FRMPD4: variants seen among roughly 807,000 people sequenced by gnomAD.
FRMPD4 encodes the protein FERM and PDZ domain containing 4.
In FRMPD4, 22 loss-of-function variants were observed where a neutral mutation model predicts 94.1. The observed-to-expected ratio is 0.23, with a 90% confidence interval of 0.17 to 0.33. FRMPD4 has a LOEUF of 0.33. FRMPD4 is among the 10% of genes least tolerant of loss of function. The pLI is 1.00. For synonymous variants in FRMPD4, 631 were observed against 548.6 expected (o/e 1.15, Z -2.10); for missense variants, 1,111 against 1,339.9 (o/e 0.83, Z 2.67).
In FRMPD4 at chrX:12,268,248, A is replaced by G. The variant is rs759023411; in HGVS notation, c.41+129236A>G. On this transcript the variant is annotated intron_variant, in intron 1 of 16. Coordinates refer to ENST00000675598, the MANE Select transcript of FRMPD4 (RefSeq NM_001368397.1). Reference sequence around the variant, plus strand: ...GTTCATCACACACCCATGGCCAATTATAAGGAAGGCTGAAAAACACAGCCT... The same window carrying G: ...GTTCATCACACACCCATGGCCAATTGTAAGGAAGGCTGAAAAACACAGCCT... 2.7e-5 allele frequency among the ~76,000 whole-genome samples: 3 copies of G among 112,677 alleles called. No homozygotes were observed. In the East Asian group the frequency reaches 8.4e-4, roughly 31 times the overall value.
intron 3 of FRMPD4, among the ~76,000 whole-genome samples, chrX:12,123,478 C>G (rs1216014284): frequency 9.0e-6 from 1 of 111,456 alleles, no homozygotes; most frequent in African/African-American, 3.3e-5. Flanking sequence ...TCCTTGCACT[C>G]TAGCATCTCT....
At chrX:12,186,561 C>T (rs764576778) in intron 1 of FRMPD4, among the ~76,000 whole-genome samples, 77 of 111,391 alleles carry the variant, frequency 6.9e-4, no homozygotes, top group African/African-American at 2.4e-3. Context: ...TATATTTCGA[C>T]ACCTTGCCTA....
chrX:12,499,656 CG>C (rs1340577574), intron 2 of FRMPD4, among the ~76,000 whole-genome samples: 3 of 112,511 alleles, frequency 2.7e-5, no homozygotes, highest in African/African-American at 9.7e-5. Flanking sequence ...TTTCACTTAG[CG>C]TAACGTTTTC....
chrX:12,180,423 G>A (rs1294221162), intron 1 of FRMPD4, among the ~76,000 whole-genome samples: 1 of 111,615 alleles, frequency 9.0e-6, no homozygotes, highest in Non-Finnish European at 1.9e-5. Context: ...AGAGTTAGGG[G>A]TAATTTCCTC....
intron 1 of FRMPD4, among the ~76,000 whole-genome samples, chrX:12,343,065 G>T (rs745831229): frequency 5.6e-4 from 63 of 112,090 alleles, no homozygotes; most frequent in African/African-American, 1.9e-3. Context: ...ACCCATAAAC[G>T]GGAAAGGAAG....
intron 2 of FRMPD4, among the ~76,000 whole-genome samples, chrX:12,513,643 G>A (rs1442894005): frequency 8.9e-6 from 1 of 112,025 alleles, no homozygotes; most frequent in African/African-American, 3.2e-5. Flanking sequence ...TTTGAAGTCT[G>A]GTAGAGTGAT....
intron 4 of FRMPD4, among the ~76,000 whole-genome samples, chrX:12,667,482 G>C (rs1288887743): frequency 8.9e-6 from 1 of 112,039 alleles, no homozygotes; most frequent in Admixed American, 9.5e-5. Context: ...ATGCCAATAT[G>C]ATTATATATT....
chrX:12,168,378 A>AC (rs1460651886), intron 1 of FRMPD4, among the ~76,000 whole-genome samples: 1 of 109,771 alleles, frequency 9.1e-6, no homozygotes, highest in Non-Finnish European at 1.9e-5. Context: ...AAAAAAAAAA[A>AC]AAAACAACTC....
At chrX:12,524,113 C>T (rs2058194385) in intron 2 of FRMPD4, among the ~76,000 whole-genome samples, 1 of 111,981 alleles carries the variant, frequency 8.9e-6, no homozygotes, top group South Asian at 3.7e-4. Flanking sequence ...TATGATTGTG[C>T]CCCTGCACCC....
At chrX:12,277,793 A>C (rs1004152832) in intron 1 of FRMPD4, among the ~76,000 whole-genome samples, 5 of 112,288 alleles carry the variant, frequency 4.5e-5, no homozygotes, top group Non-Finnish European at 9.4e-5. Flanking sequence ...TACTGTCTTC[A>C]TTATTTTGTA....
At chrX:12,284,897 C>T (rs1451551832) in intron 1 of FRMPD4, among the ~76,000 whole-genome samples, 2 of 111,658 alleles carry the variant, frequency 1.8e-5, no homozygotes, top group African/African-American at 3.3e-5. Flanking sequence ...TTCTCATCTG[C>T]GAAATGGGGA....
chrX:12,027,440 T>A (rs918657359), intron 3 of FRMPD4, among the ~76,000 whole-genome samples: 1 of 112,176 alleles, frequency 8.9e-6, no homozygotes, highest in Admixed American at 9.4e-5. Flanking sequence ...GAGTGAGTAA[T>A]CTGTGTGAGG....
intron 1 of FRMPD4, among the ~76,000 whole-genome samples, chrX:12,269,859 G>T (rs1189987838): frequency 8.9e-6 from 1 of 112,346 alleles, no homozygotes; most frequent in Non-Finnish European, 1.9e-5. Context: ...CTCCAACTTT[G>T]TGCCATTGGC....
At chrX:12,571,913 AT>A (rs1243143062) in intron 2 of FRMPD4, among the ~76,000 whole-genome samples, 2 of 112,449 alleles carry the variant, frequency 1.8e-5, no homozygotes, top group Non-Finnish European at 3.8e-5. Flanking sequence ...TAGTAATTTT[AT>A]TTCTATTTCT....
At chrX:12,087,888 A>G (rs2055124176) in intron 3 of FRMPD4, among the ~76,000 whole-genome samples, 1 of 112,304 alleles carries the variant, frequency 8.9e-6, no homozygotes, top group Non-Finnish European at 1.9e-5. Context: ...CTCCTATTAG[A>G]TTCCTGTTAA....
At chrX:12,688,763 T>G (rs372358392) in intron 7 of FRMPD4, among the ~76,000 whole-genome samples, 20 of 107,811 alleles carry the variant, frequency 1.9e-4, no homozygotes, top group African/African-American at 6.9e-4. Context: ...TTTTTTTTCT[T>G]GAAATTCAAC....
chrX:11,883,656 G>A (rs778693599), intron 3 of FRMPD4, among the ~76,000 whole-genome samples: 9 of 111,965 alleles, frequency 8.0e-5, no homozygotes, highest in Non-Finnish European at 1.7e-4. Flanking sequence ...CTGCTAAGGA[G>A]ATTGAAATTC....
At chrX:12,420,318 C>CG (rs2056866279) in intron 1 of FRMPD4, among the ~76,000 whole-genome samples, 2 of 112,229 alleles carry the variant, frequency 1.8e-5, no homozygotes, top group African/African-American at 6.5e-5. Context: ...CTGTCCCACC[C>CG]GGGCCTCCAT....
chrX:11,859,776 C>T (rs2053674998), intron 1 of FRMPD4, among the ~76,000 whole-genome samples: 1 of 111,332 alleles, frequency 9.0e-6, no homozygotes, highest in Non-Finnish European at 1.9e-5. Context: ...AAGTGGTTTC[C>T]CTAAGGTTTA....
Sources: gnomAD v4.1 joint callset for allele counts (sites outside exome capture counted in the v4.1 genomes callset) on GRCh38, gnomAD v4.1.1 for gene constraint, MANE v1.5 for transcripts, NCBI Gene and HGNC (gene_info 2026-07-23, HGNC 2026-07-21) for gene names.